Variants in ZNF547 observed in about 807,000 individuals in gnomAD.
The protein encoded by ZNF547 is zinc finger protein 547.
A neutral mutation model predicts 7.7 loss-of-function variants in ZNF547; 4 were observed. That is an observed-to-expected ratio of 0.52 (90% CI 0.26 to 1.20). ZNF547 has a LOEUF of 1.20. ZNF547 is among the 50% of genes most tolerant of loss of function. The pLI is 0.14. For synonymous variants in ZNF547, 166 were observed against 166.2 expected (o/e 1.00, Z 0.01); for missense variants, 449 against 485.8 (o/e 0.92, Z 0.71).
intron 2 of ZNF547, among the ~76,000 whole-genome samples, chr19:57,370,058 A>G (rs945059749): frequency 6.6e-5 from 10 of 151,706 alleles, no homozygotes; most frequent in Non-Finnish European, 1.5e-4. Flanking sequence ...ACGCCCAGCT[A>G]ATTTTTGTAT....
intron 3 of ZNF547, among the ~76,000 whole-genome samples, chr19:57,375,968 G>A (rs1425244865): frequency 2.0e-5 from 3 of 152,112 alleles, no homozygotes; most frequent in Non-Finnish European, 4.4e-5. Flanking sequence ...TTTGAGACCA[G>A]CCTGGCAAAC....
Position 57,368,532 on chromosome 19 carries a change from C to G in ZNF547, c.-12-12C>G. On this transcript the variant is annotated splice_polypyrimidine_tract_variant and intron_variant, in intron 1 of 3. Transcript: ENST00000282282. ...TCGTTGCCCATTTCTCACGGTTTCC[C>G]TCTTCCTTCAGGGTCCCCTGGCGAT... 6.2e-7 allele frequency: 1 copy of G among 1,614,084 alleles called. No individual in the cohort carries two copies. The highest frequency in any genetic ancestry group is 1.7e-5 in the Admixed American group (1 of 60,004).
chr19:57,377,045 G>C, intron 3 of ZNF547, 83 bp from the exon 4 acceptor site: 1 of 1,353,794 alleles, frequency 7.4e-7, no homozygotes, highest in South Asian at 1.4e-5. Context: ...CATTTTCATG[G>C]GGTGTCTGAC....
At chr19:57,374,757 A>G (rs1004651739) in intron 3 of ZNF547, among the ~76,000 whole-genome samples, 4 of 152,182 alleles carry the variant, frequency 2.6e-5, no homozygotes, top group African/African-American at 9.6e-5. Context: ...GCTAAAGCAT[A>G]GCAAGAGTCA....
intron 1 of ZNF547, among the ~76,000 whole-genome samples, chr19:57,367,628 T>G (rs1165223143): frequency 6.6e-6 from 1 of 152,030 alleles, no homozygotes; most frequent in Non-Finnish European, 1.5e-5. Context: ...TAGGAAGGAT[T>G]TTGTCCTCTG....
At chr19:57,367,361 A>G (rs1311150831) in intron 1 of ZNF547, among the ~76,000 whole-genome samples, 1 of 149,058 alleles carries the variant, frequency 6.7e-6, no homozygotes, top group Non-Finnish European at 1.5e-5. Context: ...GCTTTGTCTT[A>G]TATCCTTGTG....
intron 1 of ZNF547, chr19:57,364,225 GAGCAA>G: frequency 6.4e-6 from 1 of 156,392 alleles, no homozygotes; most frequent in South Asian, 1.9e-4. Flanking sequence ...ATATGTCTGT[GAGCAA>G]AAATAGGGAG....
Position 57,377,323 on chromosome 19 carries a change from C to A in ZNF547, c.347C>A (p.Thr116Lys), listed in dbSNP as rs544829574. 1 of 1,614,192 alleles carries A rather than the reference C, an allele frequency of 6.2e-7. No individual in the cohort carries two copies. Among genetic ancestry groups the A allele is most frequent in the Non-Finnish European group, 8.5e-7 (1 of 1,180,042 alleles). ...ACACACCCCGAGCAGGGACTGTACA[C>A]GTGTCCAGCACATCTTCACCAGCAC... ...DGTHPEQGLYTCPAHLHQHQK... is the reference protein window; with the variant it reads ...DGTHPEQGLYKCPAHLHQHQK... The change falls in exon 4 of 4, where the codon ACG becomes AAG. Residue 116 changes from threonine to lysine, a missense_variant. Transcript: ENST00000282282.
chr19:57,364,297 TCAG>T (rs569204282), intron 1 of ZNF547: 60 of 154,030 alleles, frequency 3.9e-4, no homozygotes, highest in Admixed American at 2.1e-3. Flanking sequence ...GTTGGGGAAG[TCAG>T]CAGCATGAGA....
intron 1 of ZNF547, chr19:57,364,848 C>T: frequency 6.2e-7 from 1 of 1,608,628 alleles, no homozygotes; most frequent in Non-Finnish European, 8.5e-7. Flanking sequence ...CTGGAAGCTT[C>T]TACTTTGTAA....
chr19:57,371,689 A>G (rs778698064), intron 2 of ZNF547, 93 bp from the exon 3 acceptor site: 171 of 1,513,268 alleles, frequency 1.1e-4, no homozygotes, highest in Non-Finnish European at 1.5e-4. Context: ...CCTGTGTTTA[A>G]TGGGTGGTAA....
In ZNF547 at chr19:57,377,801, G is replaced by A. The variant is rs1376429363; in HGVS notation, c.825G>A (p.Lys275=). Reference sequence around the variant, plus strand: ...CTTATGGTTGCAGTGAATGTGGGAAGTTCTTTAAGTGCAACTCAAACCTCT... The same window carrying A: ...CTTATGGTTGCAGTGAATGTGGGAAATTCTTTAAGTGCAACTCAAACCTCT... The part of the protein sequence containing the change: ...KRPYGCSECG[K]FFKCNSNLFR... Residue 275 remains lysine, a synonymous_variant, in exon 4 of 4, where the codon AAG becomes AAA. Transcript: ENST00000282282. 3 of 1,613,900 alleles carry A rather than the reference G, an allele frequency of 1.9e-6. No homozygotes were observed. Among genetic ancestry groups the A allele is most frequent in the South Asian group, 1.1e-5 (1 of 91,066 alleles).
chr19:57,367,606 G>A (rs918527883), intron 1 of ZNF547, among the ~76,000 whole-genome samples: 1 of 152,068 alleles, frequency 6.6e-6, no homozygotes, highest in South Asian at 2.1e-4. Flanking sequence ...TTAGAAAGGC[G>A]CAGACCTGCC....
chr19:57,368,660 T>C, intron 2 of ZNF547, 81 bp downstream of exon 2: 1 of 1,338,690 alleles, frequency 7.5e-7, no homozygotes, highest in Non-Finnish European at 1.1e-6. Context: ...AAAAGTGGTG[T>C]CCAGAGACTC....
In ZNF547 at chr19:57,364,907, C is replaced by T. The variant is rs1226750340; in HGVS notation, c.-13+1204C>T. 4 of 1,612,432 alleles carry T rather than the reference C, an allele frequency of 2.5e-6. No individual in the cohort carries two copies. The African/African-American group carries it at 4.0e-5, about 16-fold the overall frequency. ...GTTTTTGAAATGGAGTTTTTGCCAG[C>T]TGGGAAGGCAGAATCCAAAGACGAC... is the stretch of plus-strand genomic sequence containing the variant. On this transcript the variant is annotated intron_variant, in intron 1 of 3. Transcript: ENST00000282282.
rs1352487797 is a variant in ZNF547, at chr19:57,378,124, G to A, written c.1148G>A (p.Cys383Tyr). 1.2e-6 allele frequency: 2 copies of A among 1,613,828 alleles called. No individual in the cohort carries two copies. Among genetic ancestry groups the A allele is most frequent in the South Asian group, 2.2e-5 (2 of 91,074 alleles). ...VHTAAKQCSE[C>Y]GKFFRYNSTL... is the part of the protein sequence containing the mutation. ...ACTGCAGCAAAGCAGTGCAGTGAATGTGGGAAATTCTTTAGGTATAACTCT... is the reference window on the plus strand; with the variant it reads ...ACTGCAGCAAAGCAGTGCAGTGAATATGGGAAATTCTTTAGGTATAACTCT... Residue 383 changes from cysteine (C) to tyrosine (Y), a missense_variant, in exon 4 of 4, where the codon TGT becomes TAT. By Grantham distance (194) the Cys-to-Tyr change is radical (BLOSUM62 -2). Coordinates refer to ENST00000282282, the MANE Select transcript of ZNF547 (RefSeq NM_173631.4).
chr19:57,378,836 TA>T lies in ZNF547; in HGVS notation c.*658del. 7.7e-6 allele frequency: 3 copies of T among 388,622 alleles called. No homozygotes were observed. The highest frequency in any genetic ancestry group is 1.9e-5 in the South Asian group (1 of 52,308). The allele number at this position is 388,622 out of a possible 1,614,324, so 24.1% of individuals were successfully genotyped here. A position where few individuals can be genotyped will look rare whatever the true frequency, so the allele number is the denominator to read the frequency against. ...TAAAATGAAACTCTATAACCACCAT[TA>T]AAAAAACAACTCATTCCCACATTCT... On this transcript the variant is annotated 3_prime_UTR_variant, in exon 4 of 4. Transcript: ENST00000282282.
intron 3 of ZNF547, among the ~76,000 whole-genome samples, chr19:57,373,571 C>T (rs955988847): frequency 1.3e-5 from 2 of 152,114 alleles, no homozygotes; most frequent in Non-Finnish European, 2.9e-5. Context: ...TGAGGCAAGT[C>T]CCTTCTGCCT....
At chr19:57,370,351 A>T (rs997111216) in intron 2 of ZNF547, among the ~76,000 whole-genome samples, 2 of 152,034 alleles carry the variant, frequency 1.3e-5, no homozygotes, top group African/African-American at 4.8e-5. Flanking sequence ...GGAACCTTCA[A>T]CCCAGGGCTT....
Sources: gnomAD v4.1 joint callset for allele counts (sites outside exome capture counted in the v4.1 genomes callset) on GRCh38, gnomAD v4.1.1 for gene constraint, MANE v1.5 for transcripts, NCBI Gene and HGNC (gene_info 2026-07-23, HGNC 2026-07-21) for gene names.